The following RNASE4 variants were observed in gnomAD, a reference collection of about 807,000 sequenced individuals.
RNASE4 encodes the protein ribonuclease A family member 4.
For missense variants in RNASE4, 194 were observed against 192.8 expected, an observed-to-expected ratio of 1.01 and a Z score of -0.04; for synonymous variants, 93 against 71.4, an observed-to-expected ratio of 1.30 and a Z score of -1.52.
Position 20,699,336 on chromosome 14 carries a change from C to A in RNASE4, c.-17-19C>A. ...CCAGTTCTTACCTTATTTCTCCTGC[C>A]CCTTGCTTTCTTTTCTAGGCACCTC... On this transcript the variant is annotated intron_variant, in intron 1 of 1. Transcript: ENST00000555835. 1 of 1,537,348 alleles carries A rather than the reference C, an allele frequency of 6.5e-7. No individual in the cohort carries two copies. The highest frequency in any genetic ancestry group is 1.3e-5 in the South Asian group (1 of 79,514).
chr14:20,690,553 G>T (rs1886693512), intron 1 of RNASE4, among the ~76,000 whole-genome samples: 1 of 152,150 alleles, frequency 6.6e-6, no homozygotes. Flanking sequence ...CGCTTGCTGA[G>T]ATTTGGTTCC....
chr14:20,694,441 A>G (rs1158313416), intron 1 of RNASE4, among the ~76,000 whole-genome samples: 4 of 151,810 alleles, frequency 2.6e-5, no homozygotes, highest in African/African-American at 7.3e-5. Flanking sequence ...CTGAGATTAC[A>G]GGCATGCACC....
chr14:20,694,800 C>T (rs569663895), intron 1 of RNASE4, among the ~76,000 whole-genome samples: 2 of 152,138 alleles, frequency 1.3e-5, no homozygotes, highest in East Asian at 3.9e-4. Flanking sequence ...AATATGAGAC[C>T]TTGGAGAGAA....
In RNASE4 at chr14:20,700,530, T is replaced by A. The variant is rs747695890; in HGVS notation, c.*715T>A. 1 of 167,046 alleles carries A rather than the reference T, an allele frequency of 6.0e-6. No individual in the cohort carries two copies. Among genetic ancestry groups the A allele is most frequent in the Non-Finnish European group, 1.5e-5 (1 of 68,134 alleles). The allele number at this position is 167,046 out of a possible 1,614,324, so 10.3% of individuals were successfully genotyped here. A position where few individuals can be genotyped will look rare whatever the true frequency, so the allele number is the denominator to read the frequency against. ...AAATGTACTAGATCATTAAGACTTA[T>A]GTGCTCTTACTGATTGAAAGATTTT... is the stretch of plus-strand genomic sequence containing the variant. On this transcript the variant is annotated 3_prime_UTR_variant, in exon 2 of 2. Transcript: ENST00000555835.
At chr14:20,686,696 T>C (rs1456762971) in intron 1 of RNASE4, among the ~76,000 whole-genome samples, 1 of 151,890 alleles carries the variant, frequency 6.6e-6, no homozygotes. Context: ...CTTCAATCAG[T>C]AGTGTTGCCT....
intron 1 of RNASE4, among the ~76,000 whole-genome samples, chr14:20,689,942 G>A (rs1355131162): frequency 6.7e-6 from 1 of 149,180 alleles, no homozygotes; most frequent in Non-Finnish European, 1.5e-5. Flanking sequence ...CAGGCCGGGC[G>A]CGGTGGCTCA....
intron 1 of RNASE4, chr14:20,694,188 CAG>C (rs1886989154): frequency 5.7e-6 from 4 of 701,304 alleles, no homozygotes; most frequent in African/African-American, 3.6e-5. Flanking sequence ...CAGTAAGAAT[CAG>C]AGTCTTCTCA....
At chr14:20,693,181 A>G (rs954912154) in intron 1 of RNASE4, among the ~76,000 whole-genome samples, 3 of 152,238 alleles carry the variant, frequency 2.0e-5, no homozygotes, top group Non-Finnish European at 4.4e-5. Context: ...CTCAGGACCT[A>G]GCACAGTCCC....
In RNASE4 at chr14:20,699,652, A is replaced by T. The variant is rs1459459720; in HGVS notation, c.281A>T (p.Asn94Ile). The T allele has an allele frequency of 3.7e-6, 6 of 1,612,528 alleles. No individual in the cohort carries two copies. ...ICSTTNIQCK[N>I]GKMNCHEGVV... ...AGCACCACCAATATCCAATGCAAGA[A>T]CGGCAAGATGAACTGCCATGAGGGT... is the stretch of plus-strand genomic sequence containing the variant. The change falls in exon 2 of 2, where the codon AAC (asparagine) becomes ATC (isoleucine). Residue 94 changes from asparagine to isoleucine, a missense_variant. Physicochemically the swap from Asn to Ile is moderately radical, Grantham distance 149. Coordinates refer to ENST00000555835, the MANE Select transcript of RNASE4 (RefSeq NM_002937.5).
intron 1 of RNASE4, chr14:20,693,471 G>T: frequency 1.9e-6 from 3 of 1,579,058 alleles, no homozygotes; most frequent in Non-Finnish European, 1.7e-6. Context: ...GTGTCAGAGA[G>T]CAAAGCTCCT....
rs1886360093 is a variant in RNASE4, at chr14:20,685,054, AG to A, written c.-18+298del. Among the ~76,000 whole-genome samples the A allele has an allele frequency of 2.6e-5, 4 of 152,296 alleles. No homozygotes were observed. The South Asian group carries it at 8.3e-4, about 32-fold the overall frequency. On this transcript the variant is annotated intron_variant, in intron 1 of 1. Coordinates refer to ENST00000555835, the MANE Select transcript of RNASE4 (RefSeq NM_002937.5). ...CGCCGAACCTAAGGGAAGCCCTAGG[AG>A]GCCTGCACTTGCCCACAACTAAGAA... is the stretch of plus-strand genomic sequence containing the variant.
In RNASE4 at chr14:20,699,177, C is replaced by G. The variant is rs973957071; in HGVS notation, c.-17-178C>G. ...TTTCAGAAAAGATCATGTTTGCAAA[C>G]TACTCACTCTTGAGGAAGAAGGGTG... On this transcript the variant is annotated intron_variant, in intron 1 of 1. Coordinates refer to ENST00000555835, the MANE Select transcript of RNASE4 (RefSeq NM_002937.5). The G allele has an allele frequency of 8.6e-6, 5 of 579,410 alleles. No individual in the cohort carries two copies. The African/African-American group carries it at 9.3e-5, about 11-fold the overall frequency. 35.9% of individuals were successfully genotyped at this position (579,410 alleles called of 1,614,324 possible).
At chr14:20,698,514 A>G (rs1351580890) in intron 1 of RNASE4, among the ~76,000 whole-genome samples, 1 of 152,162 alleles carries the variant, frequency 6.6e-6, no homozygotes, top group Non-Finnish European at 1.5e-5. Flanking sequence ...ATTTAATTGC[A>G]TTTGTTCATT....
At chr14:20,695,495 C>T (rs1049390418) in intron 1 of RNASE4, among the ~76,000 whole-genome samples, 1 of 152,040 alleles carries the variant, frequency 6.6e-6, no homozygotes, top group South Asian at 2.1e-4. Flanking sequence ...CTTAGGTTAA[C>T]ACACTCTTTG....
At chr14:20,697,412 C>A (rs1001644004) in intron 1 of RNASE4, among the ~76,000 whole-genome samples, 3 of 152,212 alleles carry the variant, frequency 2.0e-5, no homozygotes, top group Non-Finnish European at 2.9e-5. Flanking sequence ...CCCACAACCT[C>A]TTTACTTCCC....
At chr14:20,689,390 T>G (rs1309574919) in intron 1 of RNASE4, among the ~76,000 whole-genome samples, 1 of 152,204 alleles carries the variant, frequency 6.6e-6, no homozygotes, top group East Asian at 1.9e-4. Flanking sequence ...TGAATATGCC[T>G]TGGGTGTTAG....
chr14:20,694,168 GTC>G, intron 1 of RNASE4: 1 of 770,678 alleles, frequency 1.3e-6, no homozygotes. Context: ...AAATAAAAAT[GTC>G]TTGATATCAG....
intron 1 of RNASE4, 189 bp from the exon 2 acceptor site, chr14:20,699,166 A>G (rs1566605677): frequency 3.6e-6 from 2 of 561,154 alleles, no homozygotes; most frequent in East Asian, 2.9e-5. Context: ...AGAAAAGATC[A>G]TGTTTGCAAA....
chr14:20,688,670 C>T (rs1389888822), intron 1 of RNASE4: 3 of 984,860 alleles, frequency 3.0e-6, no homozygotes, highest in Admixed American at 6.1e-5. Context: ...AGGTGAATGA[C>T]CCTCCTCGTT....
Sources: allele counts gnomAD v4.1 joint callset (sites outside exome capture counted in the v4.1 genomes callset), GRCh38; gene constraint gnomAD v4.1.1; transcripts MANE v1.5; gene names NCBI Gene and HGNC (gene_info 2026-07-23, HGNC 2026-07-21).